The following NCAM2 variants were observed in gnomAD, a reference collection of about 807,000 sequenced individuals.
NCAM2 encodes neural cell adhesion molecule 2.
Under a neutral mutation model 98.1 loss-of-function variants are expected in NCAM2, and 30 were observed. That is an observed-to-expected ratio of 0.31 (90% CI 0.23 to 0.41). The LOEUF is 0.41. Ranked by LOEUF, NCAM2 falls within the 10% of genes least tolerant of loss-of-function variation. The pLI is 1.00. For missense variants in NCAM2, 867 were observed against 1,005.8 expected, an observed-to-expected ratio of 0.86 and a Z score of 1.87; for synonymous variants, 368 against 342.4, an observed-to-expected ratio of 1.07 and a Z score of -0.83.
intron 1 of NCAM2, among the ~76,000 whole-genome samples, chr21:21,052,150 A>ATTTTTTT (rs5842877): frequency 4.0e-5 from 3 of 74,794 alleles, no homozygotes; most frequent in African/African-American, 1.2e-4. Flanking sequence ...CATGATGGCC[A>ATTTTTTT]TTTTTTTTTT....
chr21:21,473,144 G>C (rs1277051460), intron 14 of NCAM2, among the ~76,000 whole-genome samples: 1 of 151,170 alleles, frequency 6.6e-6, no homozygotes, highest in East Asian at 1.9e-4. Flanking sequence ...TGGATATTCT[G>C]ATATGGAGAC....
In NCAM2 at chr21:21,538,731, T is replaced by A. The variant is rs1041894627; in HGVS notation, c.*774T>A. 1 of 152,274 alleles carries A rather than the reference T, an allele frequency of 6.6e-6. No individual in the cohort carries two copies. Among genetic ancestry groups the A allele is most frequent in the Admixed American group, 6.5e-5 (1 of 15,278 alleles). The allele number at this position is 152,274 out of a possible 1,614,324, so 9.4% of individuals were successfully genotyped here. ...TATTGCAAGTGAAATAATATTGATT[T>A]CTGCCCTCAGCTTCAAATAAAGTAA... On this transcript the variant is annotated 3_prime_UTR_variant, in exon 18 of 18. Coordinates refer to ENST00000400546, the MANE Select transcript of NCAM2 (RefSeq NM_004540.5).
At chr21:21,282,256 T>C (rs891332024) in intron 2 of NCAM2, among the ~76,000 whole-genome samples, 1 of 151,872 alleles carries the variant, frequency 6.6e-6, no homozygotes, top group Admixed American at 6.6e-5. Flanking sequence ...ACAATGAAAT[T>C]GTTGTACTTT....
At chr21:21,062,680 C>A (rs1424173186) in intron 1 of NCAM2, among the ~76,000 whole-genome samples, 1 of 152,146 alleles carries the variant, frequency 6.6e-6, no homozygotes, top group Non-Finnish European at 1.5e-5. Context: ...AATGCACCAA[C>A]TAGTAGGTCA....
chr21:21,364,773 C>T (rs184839739), intron 8 of NCAM2, among the ~76,000 whole-genome samples: 1 of 152,104 alleles, frequency 6.6e-6, no homozygotes, highest in African/African-American at 2.4e-5. Context: ...TAAGAAATCT[C>T]ATATTGGTGA....
At chr21:21,255,737 TTAAA>T (rs2071642862) in intron 1 of NCAM2, among the ~76,000 whole-genome samples, 1 of 152,174 alleles carries the variant, frequency 6.6e-6, no homozygotes, top group Admixed American at 6.5e-5. Flanking sequence ...TAAATATTTG[TTAAA>T]TAAACATGGC....
intron 8 of NCAM2, among the ~76,000 whole-genome samples, chr21:21,354,242 A>C (rs1164909066): frequency 1.3e-5 from 2 of 152,146 alleles, no homozygotes; most frequent in Non-Finnish European, 2.9e-5. Context: ...TCCACTAGAA[A>C]TTAATCCCAC....
chr21:21,264,936 T>A (rs2072089322), intron 1 of NCAM2, among the ~76,000 whole-genome samples: 1 of 28,992 alleles, frequency 3.4e-5, no homozygotes, highest in Admixed American at 3.6e-4. Context: ...CACATATATA[T>A]GTGTGTGTAT....
chr21:21,529,483 G>C (rs961456500), intron 16 of NCAM2, among the ~76,000 whole-genome samples: 1 of 151,902 alleles, frequency 6.6e-6, no homozygotes, highest in Non-Finnish European at 1.5e-5. Flanking sequence ...TATGCATTCT[G>C]AAATAAAACA....
chr21:21,480,843 T>C (rs543860414), intron 15 of NCAM2, among the ~76,000 whole-genome samples: 9 of 152,236 alleles, frequency 5.9e-5, no homozygotes, highest in Non-Finnish European at 1.3e-4. Context: ...TAATGACTTC[T>C]AGGTTTCTTG....
At position 21,342,979 on chromosome 21, in the gene NCAM2, C is replaced by T. The variant is rs545988461; in HGVS notation, c.1044+4445C>T. 4.6e-5 allele frequency among the ~76,000 whole-genome samples: 7 copies of T among 152,192 alleles called. No homozygotes were observed. The South Asian group carries it at 8.3e-4, about 18-fold the overall frequency. The stretch of plus-strand genomic sequence containing the variant: ...TCTCTCACTCTGCATAGTGCATGCC[C>T]GTGCAAGGGCTTCAGGATTCTGTTA... On this transcript the variant is annotated intron_variant, in intron 8 of 17. Transcript: ENST00000400546.
chr21:21,022,647 T>C (rs570835567), intron 1 of NCAM2, among the ~76,000 whole-genome samples: 24 of 152,184 alleles, frequency 1.6e-4, no homozygotes, highest in Non-Finnish European at 2.5e-4. Context: ...TTACTATTTA[T>C]TAATACAATT....
intron 1 of NCAM2, among the ~76,000 whole-genome samples, chr21:21,095,468 A>G (rs1052800927): frequency 2.7e-5 from 4 of 145,882 alleles, no homozygotes; most frequent in African/African-American, 2.7e-5. Flanking sequence ...CTATCTAAAG[A>G]CACAGATAAT....
chr21:21,228,160 T>C (rs976031864), intron 1 of NCAM2, among the ~76,000 whole-genome samples: 1 of 151,534 alleles, frequency 6.6e-6, no homozygotes, highest in African/African-American at 2.4e-5. Context: ...GAAAACTAAA[T>C]GGCCAATTAT....
chr21:21,256,799 C>T (rs1186617772), intron 1 of NCAM2, among the ~76,000 whole-genome samples: 1 of 152,166 alleles, frequency 6.6e-6, no homozygotes, highest in Non-Finnish European at 1.5e-5. Context: ...GTTGGAACCT[C>T]CTGTGATCAT....
intron 5 of NCAM2, among the ~76,000 whole-genome samples, chr21:21,308,906 T>C (rs2073961511): frequency 1.3e-5 from 2 of 152,222 alleles, no homozygotes; most frequent in Non-Finnish European, 2.9e-5. Flanking sequence ...AGTTTACTAA[T>C]CTTTTCTTTG....
rs1990168255 is a variant in NCAM2, at chr21:21,540,048, G to A, written c.*2091G>A. The A allele has an allele frequency of 1.3e-5, 2 of 152,002 alleles. No homozygotes were observed. Among genetic ancestry groups the A allele is most frequent in the Non-Finnish European group, 2.9e-5 (2 of 67,996 alleles). 9.4% of individuals were successfully genotyped at this position (152,002 alleles called of 1,614,324 possible). On this transcript the variant is annotated 3_prime_UTR_variant, in exon 18 of 18. Transcript: ENST00000400546. The stretch of plus-strand genomic sequence containing the variant: ...TGAATGCTAATTATTTCTAAATAGG[G>A]CCACATGGTTTTAAACTAATGATGG...
chr21:21,290,295 T>A (rs2073245936), intron 4 of NCAM2: 1 of 151,942 alleles, frequency 6.6e-6, no homozygotes, highest in South Asian at 2.1e-4. Context: ...ATGATAGTGT[T>A]CCTCTTCATT....
intron 1 of NCAM2, among the ~76,000 whole-genome samples, chr21:21,274,407 G>A (rs1216204936): frequency 2.0e-5 from 3 of 152,128 alleles, no homozygotes; most frequent in Admixed American, 1.3e-4. Flanking sequence ...AATGTTTGAC[G>A]TTAGAGAATT....
Sources: gnomAD v4.1 joint callset for allele counts (sites outside exome capture counted in the v4.1 genomes callset) on GRCh38, gnomAD v4.1.1 for gene constraint, MANE v1.5 for transcripts, NCBI Gene and HGNC (gene_info 2026-07-23, HGNC 2026-07-21) for gene names.